Variants in KCNIP1 observed in about 807,000 individuals in gnomAD.
KCNIP1 encodes the protein A-type potassium channel modulatory protein KCNIP1.
Under a neutral mutation model 33.0 loss-of-function variants are expected in KCNIP1, and 18 were observed. That is an observed-to-expected ratio of 0.55 (90% CI 0.38 to 0.81). KCNIP1 has a LOEUF of 0.81. Ranked by LOEUF, KCNIP1 falls within the 30% of genes least tolerant of loss-of-function variation. The probability of loss-of-function intolerance (pLI) is 0.00; values close to 1 mark genes in which losing one functional copy is unlikely to be tolerated. For synonymous variants in KCNIP1, 93 were observed against 98.3 expected, an observed-to-expected ratio of 0.95 and a Z score of 0.32; for missense variants, 238 against 271.6, an observed-to-expected ratio of 0.88 and a Z score of 0.87.
chr5:170,556,545 G>A (rs1333707137), intron 1 of KCNIP1, among the ~76,000 whole-genome samples: 1 of 152,200 alleles, frequency 6.6e-6, no homozygotes, highest in East Asian at 1.9e-4. Flanking sequence ...GGGGGTGGGA[G>A]CCGATGTCAA....
chr5:170,624,724 C>CTGGG (rs1759748872), intron 1 of KCNIP1, among the ~76,000 whole-genome samples: 6 of 36,986 alleles, frequency 1.6e-4, no homozygotes, highest in African/African-American at 6.6e-4. Context: ...GAAAGGAGAC[C>CTGGG]GGGGAGGTGG....
intron 2 of KCNIP1, 130 bp from the exon 3 acceptor site, chr5:170,720,191 G>C (rs1388042126): frequency 5.9e-6 from 4 of 673,256 alleles, no homozygotes; most frequent in African/African-American, 1.8e-5. Flanking sequence ...GGCACTACTT[G>C]GGAGAAGTGG....
chr5:170,727,425 C>T (rs1195052537), intron 5 of KCNIP1, among the ~76,000 whole-genome samples: 1 of 152,092 alleles, frequency 6.6e-6, no homozygotes, highest in Non-Finnish European at 1.5e-5. Flanking sequence ...TCAAACAGTA[C>T]ACTTAAAATG....
intron 1 of KCNIP1, among the ~76,000 whole-genome samples, chr5:170,361,862 C>T (rs1444228677): frequency 3.3e-5 from 5 of 152,182 alleles, no homozygotes; most frequent in East Asian, 1.9e-4. Context: ...AAAGGCCCCA[C>T]CTTCAAATAC....
intron 1 of KCNIP1, chr5:170,375,937 G>T (rs921840737): frequency 6.6e-6 from 1 of 152,182 alleles, no homozygotes; most frequent in Non-Finnish European, 1.5e-5. Context: ...GCTGGAATTT[G>T]AACCCAAACA....
chr5:170,672,325 G>C (rs147498451), intron 1 of KCNIP1, among the ~76,000 whole-genome samples: 1 of 152,230 alleles, frequency 6.6e-6, no homozygotes, highest in African/African-American at 2.4e-5. Context: ...GGCATGGTGA[G>C]ACCTGTGATA....
At chr5:170,455,560 C>T (rs1469259831) in intron 1 of KCNIP1, among the ~76,000 whole-genome samples, 3 of 152,138 alleles carry the variant, frequency 2.0e-5, no homozygotes, top group Non-Finnish European at 4.4e-5. Context: ...ATATGCTAGG[C>T]CACAAAACAA....
intron 1 of KCNIP1, among the ~76,000 whole-genome samples, chr5:170,553,124 A>G (rs777166118): frequency 8.5e-5 from 13 of 152,182 alleles, no homozygotes; most frequent in Non-Finnish European, 1.8e-4. Context: ...TCCTCCCGTG[A>G]CCTAGACTCT....
At chr5:170,716,879 C>T (rs1330807877) in intron 1 of KCNIP1, among the ~76,000 whole-genome samples, 1 of 152,204 alleles carries the variant, frequency 6.6e-6, no homozygotes, top group Non-Finnish European at 1.5e-5. Flanking sequence ...TAAGATAAAT[C>T]TAACAGTGTA....
intron 1 of KCNIP1, among the ~76,000 whole-genome samples, chr5:170,438,727 C>T (rs1035678580): frequency 1.3e-5 from 2 of 152,162 alleles, no homozygotes; most frequent in African/African-American, 2.4e-5. Flanking sequence ...CATTGCACAG[C>T]CTGCTCCCTT....
chr5:170,623,210 C>CTTTTTT (rs59210675), intron 1 of KCNIP1, among the ~76,000 whole-genome samples: 1 of 148,046 alleles, frequency 6.8e-6, no homozygotes, highest in Non-Finnish European at 1.5e-5. Context: ...CGACCCCTGT[C>CTTTTTT]TTTTTTTTTT....
chr5:170,524,421 A>G (rs1755493028), intron 1 of KCNIP1, among the ~76,000 whole-genome samples: 1 of 152,172 alleles, frequency 6.6e-6, no homozygotes, highest in Non-Finnish European at 1.5e-5. Flanking sequence ...TGTGGGTTTC[A>G]ATCTTAGCTC....
At position 170,368,248 on chromosome 5, in the gene KCNIP1, TTTTGTTTG is replaced by T. The variant is rs59715597; in HGVS notation, c.88+14308_88+14315del. ...TGGATTAAAGGTGAGTTTTTAAAGT[TTTTGTTTG>T]TTTGTTTGTTTGTTTGTTTGTTTTA... On this transcript the variant is annotated intron_variant, in intron 1 of 7. Coordinates refer to the KCNIP1 transcript ENST00000377360. Among the ~76,000 whole-genome samples the T allele has an allele frequency of 3.8e-3, 574 of 151,550 alleles. 4 individuals carry two copies. The highest frequency in any genetic ancestry group is 0.013 in the African/African-American group (516 of 41,068).
At chr5:170,559,190 C>A (rs957842227) in intron 1 of KCNIP1, among the ~76,000 whole-genome samples, 1 of 152,224 alleles carries the variant, frequency 6.6e-6, no homozygotes, top group African/African-American at 2.4e-5. Context: ...CACCTAAACT[C>A]CTCTAGAAAA....
intron 1 of KCNIP1, among the ~76,000 whole-genome samples, chr5:170,596,563 C>T (rs1758447318): frequency 6.6e-6 from 1 of 152,226 alleles, no homozygotes; most frequent in African/African-American, 2.4e-5. Context: ...TAGCATGGAG[C>T]CATGGAGAGA....
intron 1 of KCNIP1, among the ~76,000 whole-genome samples, chr5:170,476,351 C>T (rs1756856973): frequency 6.6e-6 from 1 of 152,134 alleles, no homozygotes; most frequent in South Asian, 2.1e-4. Context: ...GATGAAATAT[C>T]GAAGTGTTGA....
At chr5:170,551,217 T>A (rs1238095418) in intron 1 of KCNIP1, among the ~76,000 whole-genome samples, 1 of 152,270 alleles carries the variant, frequency 6.6e-6, no homozygotes, top group East Asian at 1.9e-4. Context: ...GGGCTTTGGC[T>A]GATCTCACCC....
At chr5:170,533,780 G>T (rs1341569128) in intron 1 of KCNIP1, among the ~76,000 whole-genome samples, 2 of 152,198 alleles carry the variant, frequency 1.3e-5, no homozygotes, top group Non-Finnish European at 2.9e-5. Context: ...ACCAATATCA[G>T]ATTTCTCCTA....
At chr5:170,491,601 T>A (rs1240914487) in intron 1 of KCNIP1, among the ~76,000 whole-genome samples, 1 of 152,226 alleles carries the variant, frequency 6.6e-6, no homozygotes, top group Non-Finnish European at 1.5e-5. Flanking sequence ...TGGTTTAAGC[T>A]TCATGTGATA....
Sources: gnomAD v4.1 joint callset for allele counts (sites outside exome capture counted in the v4.1 genomes callset) on GRCh38, gnomAD v4.1.1 for gene constraint, MANE v1.5 for transcripts, NCBI Gene and HGNC (gene_info 2026-07-23, HGNC 2026-07-21) for gene names.